The following LRTM3 variants were observed in gnomAD, a reference collection of about 807,000 sequenced individuals.
The protein encoded by LRTM3 is leucine rich repeat transmembrane protein 3.
chr13:102,743,948 T>C, the LRTM3 span: 1 of 1,550,582 alleles, frequency 6.4e-7, no homozygotes, highest in East Asian at 2.4e-5. Flanking sequence ...CTCTTCCTTT[T>C]CCTCTGTAAT....
the LRTM3 span, chr13:102,747,689 T>A: frequency 6.4e-7 from 1 of 1,551,180 alleles, no homozygotes; most frequent in Non-Finnish European, 8.7e-7. Flanking sequence ...TGTAAGTGGA[T>A]TCTTTGGATC....
chr13:102,744,415 A>G, the LRTM3 span: 1 of 1,549,842 alleles, frequency 6.5e-7, no homozygotes, highest in Non-Finnish European at 8.7e-7. Context: ...CCCAAGGGGT[A>G]TCACGTGGTA....
the LRTM3 span, chr13:102,731,252 T>G: frequency 6.0e-5 from 93 of 1,551,282 alleles, no homozygotes; most frequent in African/African-American, 1.2e-3. Flanking sequence ...GTGTTTATGT[T>G]TTGAGTTAGG....
chr13:102,740,020 G>A, the LRTM3 span: 12 of 1,550,266 alleles, frequency 7.7e-6, no homozygotes, highest in East Asian at 2.4e-5. Context: ...CTTGTTCTAC[G>A]CTATCCTTCT....
chr13:102,733,229 T>C, the LRTM3 span: 1 of 1,551,404 alleles, frequency 6.4e-7, no homozygotes, highest in Admixed American at 2.0e-5. Context: ...TTCTATATTT[T>C]GGGGGGCATT....
chr13:102,752,144 G>C, the LRTM3 span, among the ~76,000 whole-genome samples: 1 of 152,176 alleles, frequency 6.6e-6, no homozygotes, highest in East Asian at 1.9e-4. Context: ...AGGATGTGCA[G>C]TGGGGGTTTT....
At chr13:102,737,082 T>C in the LRTM3 span, 2 of 1,551,210 alleles carry the variant, frequency 1.3e-6, no homozygotes, top group African/African-American at 1.4e-5. Context: ...TTTGAGCCAC[T>C]GCTGCCAGGG....
chr13:102,732,697 C>T, the LRTM3 span: 2 of 1,551,126 alleles, frequency 1.3e-6, no homozygotes, highest in South Asian at 1.2e-5. Flanking sequence ...TGCTTGTGTC[C>T]ATTCTTCCTC....
At chr13:102,758,672 G>C in the LRTM3 span, 5 of 1,517,796 alleles carry the variant, frequency 3.3e-6, no homozygotes, top group Non-Finnish European at 4.4e-6. Context: ...TGAAAACTAG[G>C]AAAAGGGGAA....
At chr13:102,745,535 A>C in the LRTM3 span, 1 of 1,550,906 alleles carries the variant, frequency 6.4e-7, no homozygotes, top group African/African-American at 1.4e-5. Context: ...CCTGATATTG[A>C]GCATGTATGA....
chr13:102,744,020 TATAAG>T, the LRTM3 span: 1 of 1,550,374 alleles, frequency 6.5e-7, no homozygotes, highest in South Asian at 1.2e-5. Context: ...TGCTGTATTG[TATAAG>T]AGTTTATCAA....
At chr13:102,744,308 G>C in the LRTM3 span, 1 of 1,550,438 alleles carries the variant, frequency 6.4e-7, no homozygotes, top group Non-Finnish European at 8.7e-7. Flanking sequence ...CATGAGGCTG[G>C]AGAAATCTAA....
At chr13:102,751,160 T>G in the LRTM3 span, among the ~76,000 whole-genome samples, 1 of 152,080 alleles carries the variant, frequency 6.6e-6, no homozygotes, top group Non-Finnish European at 1.5e-5. Flanking sequence ...GTGGGCATGA[T>G]CCAATCAGTT....
chr13:102,732,342 T>C, the LRTM3 span: 10 of 1,551,298 alleles, frequency 6.4e-6, no homozygotes, highest in Non-Finnish European at 8.7e-6. Context: ...TTCTTTCTAT[T>C]GCTTGGTGTA....
chr13:102,738,814 C>T, the LRTM3 span: 1 of 1,550,240 alleles, frequency 6.5e-7, no homozygotes. Context: ...CTTTATCTTC[C>T]TGAATCTTTC....
the LRTM3 span, chr13:102,736,231 C>T: frequency 6.5e-7 from 1 of 1,548,772 alleles, no homozygotes; most frequent in South Asian, 1.2e-5. Context: ...TTGTCAGAAT[C>T]ACATGAGGAC....
At chr13:102,737,906 T>C in the LRTM3 span, 1 of 1,550,940 alleles carries the variant, frequency 6.4e-7, no homozygotes, top group Non-Finnish European at 8.7e-7. Flanking sequence ...CAGAACTCTT[T>C]CCTGTTCATT....
the LRTM3 span, chr13:102,746,022 G>T: frequency 1.3e-6 from 2 of 1,551,130 alleles, no homozygotes; most frequent in Non-Finnish European, 1.7e-6. Flanking sequence ...GCTTTGGGAG[G>T]TGGAATCTTA....
At chr13:102,755,962 T>TA in the LRTM3 span, among the ~76,000 whole-genome samples, 1,154 of 56,614 alleles carry the variant, frequency 0.02, 23 homozygotes, top group African/African-American at 0.052. Context: ...TATATATATA[T>TA]TTTTTTTTTT....
Sources: allele counts gnomAD v4.1 joint callset (sites outside exome capture counted in the v4.1 genomes callset), GRCh38; gene constraint gnomAD v4.1.1; transcripts MANE v1.5; gene names NCBI Gene and HGNC (gene_info 2026-07-23, HGNC 2026-07-21).